Variants in KRABD3 observed in about 807,000 individuals in gnomAD.
The protein encoded by KRABD3 is KRAB domain-containing protein 3.
At chr7:149,733,496 A>G in the KRABD3 span, 2 of 1,584,152 alleles carry the variant, frequency 1.3e-6, no homozygotes, top group Middle Eastern at 1.7e-4. Flanking sequence ...CCCTGGGCCA[A>G]TGGGCCAAGC....
At chr7:149,733,988 GC>G in the KRABD3 span, 1 of 1,610,352 alleles carries the variant, frequency 6.2e-7, no homozygotes, top group Non-Finnish European at 8.5e-7. Flanking sequence ...AGTGCAGAGG[GC>G]CCTCCAGGAA....
the KRABD3 span, chr7:149,729,351 GTGGAGGTGGCTCC>G: frequency 2.0e-6 from 3 of 1,527,158 alleles, no homozygotes; most frequent in Non-Finnish European, 2.6e-6. Context: ...GGCCAGGAGT[GTGGAGGTGGCTCC>G]CAGAGGGTGA....
the KRABD3 span, chr7:149,725,802 T>G: frequency 7.7e-7 from 1 of 1,291,794 alleles, no homozygotes; most frequent in South Asian, 1.6e-5. Context: ...TGGGGCAGGG[T>G]CTTCTGGTGC....
At chr7:149,724,950 C>T in the KRABD3 span, 32 of 997,980 alleles carry the variant, frequency 3.2e-5, no homozygotes, top group Middle Eastern at 3.3e-4. Flanking sequence ...AGCAGGGAGC[C>T]GCCCCCTGGC....
At chr7:149,732,075 T>C in the KRABD3 span, among the ~76,000 whole-genome samples, 1 of 152,192 alleles carries the variant, frequency 6.6e-6, no homozygotes, top group Non-Finnish European at 1.5e-5. The surrounding 1 kb of genome is among the most constrained non-coding windows in gnomAD (Gnocchi z 4.0). Context: ...CCATGGTCAC[T>C]GTGAGAGGGT....
the KRABD3 span, chr7:149,721,917 G>C: frequency 5.0e-6 from 2 of 403,718 alleles, no homozygotes; most frequent in South Asian, 4.3e-5. Context: ...AGGGCAAGGG[G>C]AGCTCCTAGG....
chr7:149,720,812 G>T, the KRABD3 span: 3 of 1,564,344 alleles, frequency 1.9e-6, no homozygotes, highest in South Asian at 1.2e-5. Context: ...GGGTGCGGGG[G>T]GGTCACTGTG....
chr7:149,719,653 C>G, the KRABD3 span: 2 of 1,606,558 alleles, frequency 1.2e-6, no homozygotes, highest in South Asian at 1.1e-5. This position sits in a 1 kb window ranked among gnomAD's most constrained non-coding sequence, Gnocchi z 5.6. Flanking sequence ...GGGAGAACTA[C>G]GAGACGCTGG....
At chr7:149,717,739 C>T in the KRABD3 span, among the ~76,000 whole-genome samples, 1 of 152,210 alleles carries the variant, frequency 6.6e-6, no homozygotes, top group Non-Finnish European at 1.5e-5. Flanking sequence ...AGTGTGACTG[C>T]ATGGGACAAG....
chr7:149,724,831 T>C, the KRABD3 span: 25 of 1,588,678 alleles, frequency 1.6e-5, no homozygotes, highest in Non-Finnish European at 2.1e-5. Context: ...CCAACCCAGC[T>C]GGGGCCCTGA....
the KRABD3 span, chr7:149,733,964 A>G: frequency 6.2e-7 from 1 of 1,606,372 alleles, no homozygotes; most frequent in Non-Finnish European, 8.5e-7. Context: ...GGAGCCGAGC[A>G]GCCTGCTGGG....
chr7:149,734,110 C>T, the KRABD3 span: 54 of 1,522,924 alleles, frequency 3.5e-5, no homozygotes, highest in Non-Finnish European at 4.3e-5. Flanking sequence ...CGTGGAAGCC[C>T]TGTCACCCCA....
chr7:149,720,824 C>T, the KRABD3 span: 40 of 1,574,740 alleles, frequency 2.5e-5, no homozygotes, highest in Admixed American at 3.7e-5. Flanking sequence ...GTCACTGTGG[C>T]CTCTCTGCAG....
At chr7:149,719,262 C>G in the KRABD3 span, among the ~76,000 whole-genome samples, 1 of 152,178 alleles carries the variant, frequency 6.6e-6, no homozygotes, top group Non-Finnish European at 1.5e-5. This position sits in a 1 kb window ranked among gnomAD's most constrained non-coding sequence, Gnocchi z 5.6. Flanking sequence ...TAAGGGTCCC[C>G]CCTACTTAGG....
At chr7:149,721,737 T>C in the KRABD3 span, 4 of 723,014 alleles carry the variant, frequency 5.5e-6, no homozygotes, top group South Asian at 4.5e-5. Context: ...GGAGGCATGA[T>C]GCTCAGCCCC....
chr7:149,718,513 CTTTTTTTT>C, the KRABD3 span, among the ~76,000 whole-genome samples: 1 of 81,970 alleles, frequency 1.2e-5, no homozygotes, highest in Non-Finnish European at 2.2e-5. Context: ...CACTGAAGGA[CTTTTTTTT>C]TTTTTTTTTT....
the KRABD3 span, chr7:149,722,576 T>C: frequency 6.3e-7 from 1 of 1,596,764 alleles, no homozygotes; most frequent in East Asian, 2.3e-5. Context: ...CTTTCCTTAG[T>C]GGGGTAGCGA....
the KRABD3 span, among the ~76,000 whole-genome samples, chr7:149,728,094 T>C: frequency 6.6e-6 from 1 of 152,394 alleles, no homozygotes; most frequent in African/African-American, 2.4e-5. Context: ...CTAGTTGAAA[T>C]TGCATGCATG....
the KRABD3 span, chr7:149,724,814 G>T: frequency 1.3e-6 from 2 of 1,598,294 alleles, no homozygotes; most frequent in East Asian, 2.3e-5. Flanking sequence ...GACACCAGAG[G>T]GGTCCCCCAA....
Sources: gnomAD v4.1 joint callset for allele counts (sites outside exome capture counted in the v4.1 genomes callset) on GRCh38, gnomAD v4.1.1 for gene constraint, Gnocchi (gnomAD v3.1) non-coding constraint, MANE v1.5 for transcripts, NCBI Gene and HGNC (gene_info 2026-07-23, HGNC 2026-07-21) for gene names.